ESRRG: variants seen among roughly 807,000 people sequenced by gnomAD.
ESRRG encodes estrogen-related receptor gamma.
Under a neutral mutation model 44.0 loss-of-function variants are expected in ESRRG, and 13 were observed. That is an observed-to-expected ratio of 0.30 (90% confidence interval 0.19 to 0.47). The LOEUF (loss-of-function observed/expected upper bound fraction) is 0.47. Ranked by LOEUF, ESRRG falls within the 20% of genes least tolerant of loss-of-function variation. The probability of loss-of-function intolerance (pLI) is 1.00; values close to 1 mark genes in which losing one functional copy is unlikely to be tolerated. For missense variants in ESRRG, 395 were observed against 580.6 expected (o/e 0.68, Z 3.29); for synonymous variants, 215 against 214.6 (o/e 1.00, Z -0.02).
chr1:216,786,994 T>C (rs187165977), intron 2 of ESRRG, among the ~76,000 whole-genome samples: 26 of 152,244 alleles, frequency 1.7e-4, no homozygotes, highest in African/African-American at 5.8e-4. Context: ...GGAAGGTTTG[T>C]GGCAACCTTT....
At chr1:216,588,945 T>C (rs1259278999) in intron 3 of ESRRG, among the ~76,000 whole-genome samples, 1 of 152,138 alleles carries the variant, frequency 6.6e-6, no homozygotes, top group African/African-American at 2.4e-5. Context: ...TGTGTATCAT[T>C]AATATTCATG....
chr1:216,563,417 G>A (rs1376900277), intron 5 of ESRRG, among the ~76,000 whole-genome samples: 2 of 152,118 alleles, frequency 1.3e-5, no homozygotes, highest in Admixed American at 1.3e-4. Context: ...CCATCAATTT[G>A]ATTAAAGAAA....
chr1:216,747,836 G>A (rs945282532), intron 2 of ESRRG, among the ~76,000 whole-genome samples: 4 of 152,090 alleles, frequency 2.6e-5, no homozygotes, highest in African/African-American at 9.7e-5. Flanking sequence ...AAAAACAACA[G>A]TGCTCAGGAG....
upstream of ESRRG, among the ~76,000 whole-genome samples, chr1:217,090,234 G>T (rs11572386): frequency 4.7e-3 from 717 of 152,114 alleles, 3 homozygotes; most frequent in Non-Finnish European, 7.6e-3. Flanking sequence ...TACCTTCAGG[G>T]TGACATTCAG....
At chr1:216,759,749 T>C (rs1483735922) in intron 2 of ESRRG, among the ~76,000 whole-genome samples, 4 of 152,110 alleles carry the variant, frequency 2.6e-5, no homozygotes, top group Non-Finnish European at 4.4e-5. Flanking sequence ...GAACAATTTT[T>C]TTCTTGTTCT....
At chr1:216,889,667 G>A (rs2057502626) in intron 2 of ESRRG, among the ~76,000 whole-genome samples, 1 of 152,140 alleles carries the variant, frequency 6.6e-6, no homozygotes, top group Admixed American at 6.6e-5. Context: ...CACAAAAGCA[G>A]GTATTTATAG....
intron 1 of ESRRG, among the ~76,000 whole-genome samples, chr1:217,049,039 G>T (rs144194621): frequency 6.6e-6 from 1 of 152,080 alleles, no homozygotes; most frequent in Non-Finnish European, 1.5e-5. Context: ...GCCTTGCCTA[G>T]CTCCTCTGTC....
chr1:217,011,571 TA>T (rs542502955), intron 1 of ESRRG, among the ~76,000 whole-genome samples: 368 of 152,172 alleles, frequency 2.4e-3, no homozygotes, highest in African/African-American at 7.1e-3. Context: ...CCCAAGGAAA[TA>T]AAAAAAACTT....
chr1:216,702,790 A>G (rs1027690307), intron 1 of ESRRG, among the ~76,000 whole-genome samples: 2 of 151,358 alleles, frequency 1.3e-5, no homozygotes, highest in East Asian at 3.9e-4. Context: ...AAAAAAAAAA[A>G]AAAAAGATAT....
intron 1 of ESRRG, among the ~76,000 whole-genome samples, chr1:216,699,396 T>C (rs1030354776): frequency 6.6e-6 from 1 of 152,184 alleles, no homozygotes; most frequent in African/African-American, 2.4e-5. Context: ...AATTCATATA[T>C]TCAAAGGAGA....
At chr1:217,081,390 G>GCCC (rs2091763288) in intron 1 of ESRRG, among the ~76,000 whole-genome samples, 1 of 151,662 alleles carries the variant, frequency 6.6e-6, no homozygotes, top group Non-Finnish European at 1.5e-5. Flanking sequence ...ACCACGCCCA[G>GCCC]CTGATTTTGT....
intron 2 of ESRRG, among the ~76,000 whole-genome samples, chr1:216,824,517 G>A (rs1278734621): frequency 6.6e-6 from 1 of 150,678 alleles, no homozygotes; most frequent in Non-Finnish European, 1.5e-5. Flanking sequence ...GACAGAGTGT[G>A]AACTACGGAA....
chr1:216,879,252 T>C (rs1343897631), intron 2 of ESRRG, among the ~76,000 whole-genome samples: 2 of 152,010 alleles, frequency 1.3e-5, no homozygotes, highest in East Asian at 3.9e-4. Flanking sequence ...AACTTTTTGG[T>C]AAATGGTTAT....
intron 1 of ESRRG, among the ~76,000 whole-genome samples, chr1:217,125,468 T>C (rs2092877831): frequency 6.6e-6 from 1 of 152,228 alleles, no homozygotes; most frequent in African/African-American, 2.4e-5. Context: ...GACAAAACAC[T>C]TGTTGACATC....
At chr1:216,752,299 C>A (rs1023375410) in intron 2 of ESRRG, among the ~76,000 whole-genome samples, 7 of 152,040 alleles carry the variant, frequency 4.6e-5, no homozygotes, top group Non-Finnish European at 7.4e-5. Context: ...AGATACATTT[C>A]ATTTCCATTT....
At chr1:216,669,512 T>A (rs768332588) in intron 2 of ESRRG, among the ~76,000 whole-genome samples, 1 of 152,220 alleles carries the variant, frequency 6.6e-6, no homozygotes, top group Non-Finnish European at 1.5e-5. Flanking sequence ...TTGGCAACTT[T>A]AATGCATTTC....
At chr1:216,829,458 C>T (rs1410773106) in intron 2 of ESRRG, among the ~76,000 whole-genome samples, 1 of 151,974 alleles carries the variant, frequency 6.6e-6, no homozygotes, top group Admixed American at 6.6e-5. Context: ...AAAAATGAGG[C>T]ATAACAAAGT....
intron 1 of ESRRG, among the ~76,000 whole-genome samples, chr1:217,049,094 A>G (rs922332970): frequency 1.1e-4 from 16 of 152,108 alleles, no homozygotes; most frequent in Non-Finnish European, 1.6e-4. Context: ...TTCTTGAGCT[A>G]ACATTCTCTC....
chr1:216,565,081 C>T (rs1333842804), intron 4 of ESRRG, among the ~76,000 whole-genome samples: 1 of 152,098 alleles, frequency 6.6e-6, no homozygotes, highest in East Asian at 1.9e-4. Context: ...ATTCTTTAAT[C>T]CTCTATTTTC....
Sources: gnomAD v4.1 joint callset for allele counts (sites outside exome capture counted in the v4.1 genomes callset) on GRCh38, gnomAD v4.1.1 for gene constraint, MANE v1.5 for transcripts, NCBI Gene and HGNC (gene_info 2026-07-23, HGNC 2026-07-21) for gene names.